Variants in FAM53B observed in about 807,000 individuals in gnomAD.
FAM53B encodes the protein protein FAM53B.
In FAM53B, 12 loss-of-function variants were observed where a neutral mutation model predicts 32.7. That is an observed-to-expected ratio of 0.37 (90% CI 0.24 to 0.59). The LOEUF is 0.59. Ranked by LOEUF, FAM53B falls within the 20% of genes least tolerant of loss-of-function variation. The pLI is 0.72. For synonymous variants in FAM53B, 234 were observed against 228.7 expected (o/e 1.02, Z -0.21); for missense variants, 477 against 577.7 (o/e 0.83, Z 1.79).
intron 1 of FAM53B, among the ~76,000 whole-genome samples, chr10:124,715,172 T>C (rs1425374446): frequency 6.6e-6 from 1 of 152,238 alleles, no homozygotes; most frequent in Non-Finnish European, 1.5e-5. Context: ...CACTCTCTAA[T>C]ACAGCCCATC....
At chr10:124,700,299 C>T (rs1263961247) in intron 2 of FAM53B, among the ~76,000 whole-genome samples, 2 of 152,202 alleles carry the variant, frequency 1.3e-5, no homozygotes, top group African/African-American at 2.4e-5. Flanking sequence ...CCTATACACA[C>T]GGCCTTTCCA....
Position 124,696,219 on chromosome 10 carries a change from A to G in FAM53B, c.79-7T>C. The G allele has an allele frequency of 6.2e-7, 1 of 1,613,670 alleles. No individual in the cohort carries two copies. Among genetic ancestry groups the G allele is most frequent in the Non-Finnish European group, 8.5e-7 (1 of 1,179,550 alleles). Reference sequence around the variant, plus strand: ...TCATCTTCTTTGGCGTGTGCTGAAAACAACCAGAAAAGCTATTCACTCTTC... The same window carrying G: ...TCATCTTCTTTGGCGTGTGCTGAAAGCAACCAGAAAAGCTATTCACTCTTC... On this transcript the variant is annotated splice_polypyrimidine_tract_variant and splice_region_variant and intron_variant, in intron 2 of 4. Transcript: ENST00000337318.
intron 4 of FAM53B, among the ~76,000 whole-genome samples, chr10:124,680,574 G>A (rs1038581909): frequency 3.9e-5 from 6 of 152,196 alleles, no homozygotes; most frequent in East Asian, 1.9e-4. Flanking sequence ...CACCTGAAAC[G>A]CAGCGAGCGT....
chr10:124,683,470 A>T (rs766803217), intron 3 of FAM53B, among the ~76,000 whole-genome samples: 6 of 152,178 alleles, frequency 3.9e-5, no homozygotes, highest in Non-Finnish European at 8.8e-5. Context: ...ACCTGAAATG[A>T]TATTTGGTAG....
chr10:124,690,101 T>C (rs751413170), intron 3 of FAM53B, among the ~76,000 whole-genome samples: 5 of 152,220 alleles, frequency 3.3e-5, no homozygotes, highest in Non-Finnish European at 5.9e-5. Context: ...TCTTAACTGA[T>C]GTACACAGCA....
chr10:124,729,651 C>G (rs1950128760), intron 1 of FAM53B, among the ~76,000 whole-genome samples: 1 of 152,102 alleles, frequency 6.6e-6, no homozygotes, highest in Non-Finnish European at 1.5e-5. Flanking sequence ...CCATGTAAAC[C>G]AAACATGGAA....
At chr10:124,706,332 G>A (rs1949957990) in intron 2 of FAM53B, among the ~76,000 whole-genome samples, 1 of 152,218 alleles carries the variant, frequency 6.6e-6, no homozygotes, top group East Asian at 1.9e-4. Flanking sequence ...GGTGGAGACA[G>A]AAGGAATGTC....
At chr10:124,693,564 G>A (rs956555163) in intron 3 of FAM53B, among the ~76,000 whole-genome samples, 1 of 152,156 alleles carries the variant, frequency 6.6e-6, no homozygotes, top group Non-Finnish European at 1.5e-5. Context: ...GAGGACTGGA[G>A]AGGTAACCTG....
intron 1 of FAM53B, chr10:124,742,376 ATAAAT>A (rs758881839): frequency 6.6e-6 from 1 of 152,212 alleles, no homozygotes; most frequent in Non-Finnish European, 1.5e-5. Flanking sequence ...TCTTAAATAG[ATAAAT>A]TAAAATGAAA....
At chr10:124,629,315 T>C (rs1472691046) in intron 4 of FAM53B, among the ~76,000 whole-genome samples, 1 of 152,206 alleles carries the variant, frequency 6.6e-6, no homozygotes, top group Non-Finnish European at 1.5e-5. Context: ...CTCAAGTGCC[T>C]CCCTTTTGGG....
chr10:124,677,907 A>AG (rs1005584091), intron 4 of FAM53B, among the ~76,000 whole-genome samples: 2 of 152,150 alleles, frequency 1.3e-5, no homozygotes, highest in Non-Finnish European at 1.5e-5. Context: ...CCCTCTGACA[A>AG]GGGGGGGTGA....
intron 2 of FAM53B, among the ~76,000 whole-genome samples, chr10:124,699,987 T>A (rs1485220372): frequency 1.3e-5 from 2 of 152,254 alleles, no homozygotes; most frequent in Non-Finnish European, 2.9e-5. Flanking sequence ...AGATGGCCTC[T>A]GGTGCTGACA....
At chr10:124,708,311 G>C (rs1949975459) in intron 1 of FAM53B, among the ~76,000 whole-genome samples, 2 of 152,192 alleles carry the variant, frequency 1.3e-5, no homozygotes, top group African/African-American at 2.4e-5. Flanking sequence ...TACTGAAATT[G>C]CTCAATTACA....
intron 4 of FAM53B, among the ~76,000 whole-genome samples, chr10:124,670,013 C>CG (rs1949698173): frequency 6.6e-6 from 1 of 152,040 alleles, no homozygotes; most frequent in East Asian, 1.9e-4. Flanking sequence ...CTGCAAACAC[C>CG]GGCCCGTGGA....
At chr10:124,664,246 A>G (rs1355784004) in intron 4 of FAM53B, among the ~76,000 whole-genome samples, 1 of 152,072 alleles carries the variant, frequency 6.6e-6, no homozygotes, top group Admixed American at 6.5e-5. Flanking sequence ...AAGACTTGCC[A>G]GAGAGCAGCC....
chr10:124,632,174 C>T (rs546515472), intron 4 of FAM53B, among the ~76,000 whole-genome samples: 19 of 152,314 alleles, frequency 1.2e-4, no homozygotes, highest in African/African-American at 4.1e-4. Flanking sequence ...CACACGGTGG[C>T]GACGTTTCTG....
chr10:124,712,053 T>A (rs975346129), intron 1 of FAM53B, among the ~76,000 whole-genome samples: 6 of 152,022 alleles, frequency 3.9e-5, no homozygotes, highest in African/African-American at 1.5e-4. Flanking sequence ...AGGGAGACCT[T>A]ATATCAAAAG....
chr10:124,689,854 A>C (rs1195794156), intron 3 of FAM53B, among the ~76,000 whole-genome samples: 1 of 152,260 alleles, frequency 6.6e-6, no homozygotes, highest in East Asian at 1.9e-4. Context: ...CACCATCTGC[A>C]CAAGGCTGGG....
chr10:124,672,826 G>T (rs1229052954), intron 4 of FAM53B, among the ~76,000 whole-genome samples: 1 of 152,172 alleles, frequency 6.6e-6, no homozygotes, highest in Admixed American at 6.5e-5. Flanking sequence ...TGCAAGGACT[G>T]GGGGGTAAGA....
Sources: allele counts gnomAD v4.1 joint callset (sites outside exome capture counted in the v4.1 genomes callset), GRCh38; gene constraint gnomAD v4.1.1; transcripts MANE v1.5; gene names NCBI Gene and HGNC (gene_info 2026-07-23, HGNC 2026-07-21).